Variants in CSRNP3 observed in about 807,000 individuals in gnomAD.
The protein encoded by CSRNP3 is cysteine/serine-rich nuclear protein 3.
CSRNP3 carries 12 observed loss-of-function variants against 48.0 expected under a neutral mutation model. The ratio of observed to expected loss-of-function variants is 0.25; its 90% confidence interval spans 0.16 to 0.41. The LOEUF (loss-of-function observed/expected upper bound fraction) is 0.41, where lower values mean the gene tolerates loss of function less well. CSRNP3 is among the 10% of genes least tolerant of loss of function. The probability of loss-of-function intolerance (pLI) is 1.00; values close to 1 mark genes in which losing one functional copy is unlikely to be tolerated. For synonymous variants in CSRNP3, 263 were observed against 269.7 expected (o/e 0.98, Z 0.24); for missense variants, 580 against 724.4 (o/e 0.80, Z 2.29).
Position 165,679,144 on chromosome 2 carries a change from G to A in CSRNP3, c.1149G>A (p.Glu383=). 1.9e-6 allele frequency: 3 copies of A among 1,613,730 alleles called. No homozygotes were observed. Among genetic ancestry groups the A allele is most frequent in the South Asian group, 1.1e-5 (1 of 91,054 alleles). ...EEEEEEEEEE[E]DDDDDKGDGF... is the part of the protein sequence containing the mutation. Reference sequence around the variant, plus strand: ...AAGAAGAAGAGGAAGAGGAGGAGGAGGATGACGATGATGACAAAGGAGATG... The same window carrying A: ...AAGAAGAAGAGGAAGAGGAGGAGGAAGATGACGATGATGACAAAGGAGATG... The change falls in exon 7 of 7, where the codon GAG becomes GAA. Residue 383 remains glutamate, a synonymous_variant. Coordinates refer to ENST00000651982, the MANE Select transcript of CSRNP3 (RefSeq NM_001172173.2).
Position 165,681,726 on chromosome 2 carries a change from CATATATATATATATATAT to C in CSRNP3, c.*1991_*2008del, listed in dbSNP as rs1159941595. On this transcript the variant is annotated 3_prime_UTR_variant, in exon 7 of 7. Coordinates refer to ENST00000651982, the MANE Select transcript of CSRNP3 (RefSeq NM_001172173.2). Reference sequence around the variant, plus strand: ...AGGATTTGTTGAAATCTCAAATATACATATATATATATATATATATATATATATATATATACACACACA... The same window carrying C: ...AGGATTTGTTGAAATCTCAAATATACATATATATATATATATACACACACA... 1.3e-3 allele frequency: 126 copies of C among 93,692 alleles called. 4 individuals are homozygous for C. Among genetic ancestry groups the C allele is most frequent in the Non-Finnish European group, 2.1e-3 (109 of 51,520 alleles). The allele number at this position is 93,692 out of a possible 1,614,324, so 5.8% of individuals were successfully genotyped here. A position where few individuals can be genotyped will look rare whatever the true frequency, so the allele number is the denominator to read the frequency against.
chr2:165,584,051 G>A (rs972245317), intron 3 of CSRNP3, among the ~76,000 whole-genome samples: 2 of 152,188 alleles, frequency 1.3e-5, no homozygotes, highest in Admixed American at 1.3e-4. Flanking sequence ...AGATCATGGG[G>A]AGATGTGCTC....
intron 4 of CSRNP3, among the ~76,000 whole-genome samples, chr2:165,595,460 A>G (rs1354884514): frequency 6.6e-6 from 1 of 152,220 alleles, no homozygotes; most frequent in Non-Finnish European, 1.5e-5. Flanking sequence ...ACATTACATT[A>G]TTAATACTTT....
Position 165,657,787 on chromosome 2 carries a change from C to A in CSRNP3, c.175C>A (p.Arg59=), listed in dbSNP as rs560723927. 15 of 1,613,826 alleles carry A rather than the reference C, an allele frequency of 9.3e-6. No homozygotes were observed. In the East Asian group the frequency reaches 3.3e-4, roughly 36 times the overall value. The change falls in exon 5 of 7, where the codon CGA becomes AGA. Residue 59 remains arginine, a synonymous_variant. Coordinates refer to ENST00000651982, the MANE Select transcript of CSRNP3 (RefSeq NM_001172173.2). The part of the protein sequence containing the change: ...TPSSILKREK[R]LRTKNVHFSC... Reference sequence around the variant, plus strand: ...TTCCTCCATTCTCAAAAGGGAGAAACGACTGAGGACAAAGAATGTACATTT... The same window carrying A: ...TTCCTCCATTCTCAAAAGGGAGAAAAGACTGAGGACAAAGAATGTACATTT...
intron 4 of CSRNP3, among the ~76,000 whole-genome samples, chr2:165,602,309 T>C (rs970131310): frequency 1.3e-5 from 2 of 152,098 alleles, no homozygotes; most frequent in African/African-American, 2.4e-5. Flanking sequence ...GGAAGCAGCA[T>C]AGATAAAGGT....
At chr2:165,647,811 T>C (rs1211298487) in intron 4 of CSRNP3, among the ~76,000 whole-genome samples, 1 of 152,164 alleles carries the variant, frequency 6.6e-6, no homozygotes, top group Non-Finnish European at 1.5e-5. Context: ...TGGGCCCCTG[T>C]AGGCTGATGT....
intron 4 of CSRNP3, among the ~76,000 whole-genome samples, chr2:165,642,684 T>C (rs955524150): frequency 1.3e-5 from 2 of 151,948 alleles, no homozygotes; most frequent in Non-Finnish European, 2.9e-5. Context: ...TGCCTGAGAC[T>C]CCCAAGTAGC....
At chr2:165,645,688 A>G (rs1686799686) in intron 4 of CSRNP3, among the ~76,000 whole-genome samples, 1 of 152,148 alleles carries the variant, frequency 6.6e-6, no homozygotes, top group Non-Finnish European at 1.5e-5. Flanking sequence ...TCCCTCTCTT[A>G]GCTGCCCTTA....
At chr2:165,483,220 G>T (rs369347036) in intron 1 of CSRNP3, among the ~76,000 whole-genome samples, 1 of 152,126 alleles carries the variant, frequency 6.6e-6, no homozygotes, top group Non-Finnish European at 1.5e-5. Context: ...TGCAAAACTT[G>T]CCTGGTAACA....
chr2:165,545,432 G>A (rs1685012290), intron 3 of CSRNP3, among the ~76,000 whole-genome samples: 1 of 152,146 alleles, frequency 6.6e-6, no homozygotes, highest in African/African-American at 2.4e-5. Flanking sequence ...GTGTCCCCGA[G>A]CAGGCAAGTT....
At position 165,482,149 on chromosome 2, in the gene CSRNP3, A is replaced by G. The variant is rs1442755760; in HGVS notation, c.-283+12409A>G. On this transcript the variant is annotated intron_variant, in intron 1 of 6. Transcript: ENST00000651982. ...CCATTTGACAGGTAAGAAAACTGAG[A>G]CTGAGAGAAATTAAATAACTTGCTC... Among the ~76,000 whole-genome samples, 3 of 152,188 alleles carry G rather than the reference A, an allele frequency of 2.0e-5. No homozygotes were observed. In the South Asian group the frequency reaches 6.2e-4, roughly 31 times the overall value.
chr2:165,543,455 C>T (rs1315245643), intron 3 of CSRNP3, among the ~76,000 whole-genome samples: 1 of 151,912 alleles, frequency 6.6e-6, no homozygotes, highest in Non-Finnish European at 1.5e-5. Flanking sequence ...TAGTTATTAC[C>T]ACATTTCCAA....
chr2:165,479,133 T>C (rs753590179), intron 1 of CSRNP3, among the ~76,000 whole-genome samples: 1 of 152,192 alleles, frequency 6.6e-6, no homozygotes. Flanking sequence ...AAATGAAATG[T>C]CTTTTTTATA....
chr2:165,650,893 A>G (rs1232378056), intron 4 of CSRNP3, among the ~76,000 whole-genome samples: 2 of 152,244 alleles, frequency 1.3e-5, no homozygotes, highest in Admixed American at 6.5e-5. Context: ...TGGTAGAATT[A>G]ATATCTTCCA....
At chr2:165,616,372 CT>C (rs1416795083) in intron 4 of CSRNP3, among the ~76,000 whole-genome samples, 1 of 151,926 alleles carries the variant, frequency 6.6e-6, no homozygotes, top group Admixed American at 6.6e-5. Flanking sequence ...ACATTTTATA[CT>C]TTTATGTATT....
intron 2 of CSRNP3, among the ~76,000 whole-genome samples, chr2:165,516,697 C>T (rs1468876539): frequency 6.6e-6 from 1 of 152,156 alleles, no homozygotes; most frequent in African/African-American, 2.4e-5. Flanking sequence ...TACTCAGAAC[C>T]AAACTGACTC....
chr2:165,513,485 AGCATTG>A (rs1443454507), intron 2 of CSRNP3, among the ~76,000 whole-genome samples: 1 of 152,192 alleles, frequency 6.6e-6, no homozygotes, highest in East Asian at 1.9e-4. Flanking sequence ...TCAAAACCCC[AGCATTG>A]GCAAAAGAGA....
chr2:165,493,177 G>A (rs973870282), intron 1 of CSRNP3, among the ~76,000 whole-genome samples: 11 of 151,788 alleles, frequency 7.2e-5, no homozygotes, highest in Non-Finnish European at 1.3e-4. Context: ...GGCACAAGGA[G>A]GGTGGTCAGT....
At position 165,657,936 on chromosome 2, in the gene CSRNP3, G is replaced by A. The variant is rs753686562; in HGVS notation, c.324G>A (p.Glu108=). ...GCGTGCGCCAGTACACTCTTGGCGA[G>A]TTTGCAAGGGAGCAGGAGAGGCTCC... The part of the protein sequence containing the change: ...HNSVRQYTLG[E]FAREQERLHR... Residue 108 remains glutamate, a synonymous_variant, in exon 5 of 7, where the codon GAG becomes GAA. Coordinates refer to ENST00000651982, the MANE Select transcript of CSRNP3 (RefSeq NM_001172173.2). 1 of 1,614,130 alleles carries A rather than the reference G, an allele frequency of 6.2e-7. No homozygotes were observed. The highest frequency in any genetic ancestry group is 1.3e-5 in the African/African-American group (1 of 75,044).
Sources: allele counts gnomAD v4.1 joint callset (sites outside exome capture counted in the v4.1 genomes callset), GRCh38; gene constraint gnomAD v4.1.1; transcripts MANE v1.5; gene names NCBI Gene and HGNC (gene_info 2026-07-23, HGNC 2026-07-21).